ZNF423: variants seen among roughly 807,000 people sequenced by gnomAD.
The protein encoded by ZNF423 is zinc finger protein 423.
In ZNF423, 12 loss-of-function variants were observed where a neutral mutation model predicts 95.8. The observed-to-expected ratio is 0.13, with a 90% confidence interval of 0.08 to 0.20. The LOEUF is 0.20. ZNF423 is among the 10% of genes least tolerant of loss of function. The pLI is 1.00. For missense variants in ZNF423, 1,316 were observed against 1,737.1 expected, an observed-to-expected ratio of 0.76 and a Z score of 4.31; for synonymous variants, 749 against 711.9, an observed-to-expected ratio of 1.05 and a Z score of -0.83.
Position 49,555,740 on chromosome 16 carries a change from A to C in ZNF423, c.3602-30246T>G, listed in dbSNP as rs542198971. Reference sequence around the variant, plus strand: ...AATGAATGAGTGGGCGGATGGAAGGATAAGTGTATGGGTGAATAAATAAAT... The same window carrying C: ...AATGAATGAGTGGGCGGATGGAAGGCTAAGTGTATGGGTGAATAAATAAAT... On this transcript the variant is annotated intron_variant, in intron 5 of 7. Coordinates refer to ENST00000563137, the MANE Select transcript of ZNF423 (RefSeq NM_001379286.1). 9.2e-5 allele frequency among the ~76,000 whole-genome samples: 14 copies of C among 152,302 alleles called. No homozygotes were observed. The East Asian group carries it at 2.7e-3, about 29-fold the overall frequency.
intron 1 of ZNF423, among the ~76,000 whole-genome samples, chr16:49,842,110 C>A (rs866662388): frequency 6.6e-6 from 1 of 150,768 alleles, no homozygotes; most frequent in Admixed American, 6.6e-5. Context: ...GGGGGGCAGG[C>A]GCCTGTAATC....
intron 1 of ZNF423, among the ~76,000 whole-genome samples, chr16:49,823,149 G>T (rs2034965925): frequency 1.3e-5 from 2 of 152,222 alleles, no homozygotes; most frequent in Admixed American, 1.3e-4. Context: ...TAATGGGCCA[G>T]GAGTAACCTG....
chr16:49,546,698 C>A (rs1969456633), intron 5 of ZNF423, among the ~76,000 whole-genome samples: 1 of 152,172 alleles, frequency 6.6e-6, no homozygotes, highest in African/African-American at 2.4e-5. Context: ...GAATTAAACG[C>A]CAAGGCTGAA....
chr16:49,649,593 C>G (rs994277377), intron 3 of ZNF423, among the ~76,000 whole-genome samples: 5 of 151,686 alleles, frequency 3.3e-5, no homozygotes, highest in Non-Finnish European at 7.4e-5. Flanking sequence ...CAATTAATTA[C>G]TGTTTAAACA....
intron 5 of ZNF423, among the ~76,000 whole-genome samples, chr16:49,625,178 A>G (rs1421050008): frequency 2.0e-5 from 3 of 152,174 alleles, no homozygotes; most frequent in Admixed American, 6.5e-5. Flanking sequence ...GGAGTTCAAG[A>G]CCAGCCTGAC....
chr16:49,551,512 C>T (rs762749598), intron 5 of ZNF423, among the ~76,000 whole-genome samples: 1 of 152,306 alleles, frequency 6.6e-6, no homozygotes, highest in Non-Finnish European at 1.5e-5. Context: ...CAGTGAGAAC[C>T]TATTCAGTGA....
intron 2 of ZNF423, among the ~76,000 whole-genome samples, chr16:49,739,700 TTTTTTTTTTTTTTTTGGAGACAGGATC>T (rs2033373968): frequency 6.7e-6 from 1 of 148,538 alleles, no homozygotes; most frequent in Admixed American, 6.7e-5. Flanking sequence ...TGTTTGGTTT[TTTTTTTTTTTTTTTTGGAGACAGGATC>T]TTGGTCTGTC....
At chr16:49,539,005 A>G (rs1325893488) in intron 5 of ZNF423, among the ~76,000 whole-genome samples, 2 of 152,234 alleles carry the variant, frequency 1.3e-5, no homozygotes, top group Non-Finnish European at 2.9e-5. Context: ...GAGGTGCTCA[A>G]TAAATGCTAA....
chr16:49,633,964 T>C lies in ZNF423; in HGVS notation c.3516+1696A>G, dbSNP rs548153426. Among the ~76,000 whole-genome samples the C allele has an allele frequency of 1.4e-4, 22 of 152,152 alleles. No homozygotes were observed. The East Asian group carries it at 4.1e-3, about 28-fold the overall frequency. The stretch of plus-strand genomic sequence containing the variant: ...CTCTGTCACCCAGGCTAGAATGCAG[T>C]GGTGTGATCTTGGCTCACTGCAACC... On this transcript the variant is annotated intron_variant, in intron 4 of 7. Transcript: ENST00000563137.
intron 5 of ZNF423, among the ~76,000 whole-genome samples, chr16:49,583,654 A>G (rs1326558336): frequency 6.6e-6 from 1 of 152,216 alleles, no homozygotes; most frequent in Non-Finnish European, 1.5e-5. Flanking sequence ...GTCAAGCTCA[A>G]TGACCATTAC....
At chr16:49,676,975 T>G (rs2031077133) in intron 3 of ZNF423, among the ~76,000 whole-genome samples, 1 of 151,924 alleles carries the variant, frequency 6.6e-6, no homozygotes, top group Non-Finnish European at 1.5e-5. Flanking sequence ...CCTAGCACTT[T>G]GGGAGGCCGA....
intron 3 of ZNF423, among the ~76,000 whole-genome samples, chr16:49,655,805 T>A (rs1022198755): frequency 6.6e-6 from 1 of 152,156 alleles, no homozygotes; most frequent in Non-Finnish European, 1.5e-5. Context: ...CAGAACAGCA[T>A]CCATCTCACG....
rs78263351 is a variant in ZNF423 at position 49,557,795 on chromosome 16, G to A, written c.3602-32301C>T. On this transcript the variant is annotated intron_variant, in intron 5 of 7. Coordinates refer to ENST00000563137, the MANE Select transcript of ZNF423 (RefSeq NM_001379286.1). ...CAGGATGAGCACGCAGGAGGCCCAG[G>A]AAAGGCCAGGAGGAAGAGCCTCCAT... Among the ~76,000 whole-genome samples the A allele has an allele frequency of 6.8e-3, 1,041 of 152,312 alleles. 68 individuals are homozygous for A. The South Asian group carries it at 0.14, about 20-fold the overall frequency.
intron 3 of ZNF423, among the ~76,000 whole-genome samples, chr16:49,682,445 G>A (rs985431214): frequency 9.9e-5 from 15 of 152,150 alleles, no homozygotes; most frequent in African/African-American, 2.4e-4. Flanking sequence ...AGATCCTCCC[G>A]GTCCACACTT....
intron 3 of ZNF423, among the ~76,000 whole-genome samples, chr16:49,657,661 A>C (rs1414557286): frequency 6.6e-6 from 1 of 152,232 alleles, no homozygotes; most frequent in Admixed American, 6.5e-5. Flanking sequence ...TTTCAAGCCC[A>C]GTGGTCTACA....
intron 2 of ZNF423, among the ~76,000 whole-genome samples, chr16:49,757,625 C>G (rs1596974315): frequency 6.6e-6 from 1 of 152,320 alleles, no homozygotes; most frequent in East Asian, 1.9e-4. Flanking sequence ...CCAAACCAAG[C>G]CAGACACGTG....
chr16:49,571,401 AG>A (rs1345493633), intron 5 of ZNF423, among the ~76,000 whole-genome samples: 12 of 152,238 alleles, frequency 7.9e-5, no homozygotes, highest in African/African-American at 2.9e-4. Context: ...GGGTAGACAA[AG>A]GGGCAGCTGC....
chr16:49,815,881 A>AAAATATATATAT (rs1185501557), intron 1 of ZNF423, among the ~76,000 whole-genome samples: 1 of 47,590 alleles, frequency 2.1e-5, no homozygotes, highest in African/African-American at 9.9e-5. Flanking sequence ...AAAAAAAAAA[A>AAAATATATATAT]ATATATATAT....
At chr16:49,789,768 A>G (rs2034381769) in intron 1 of ZNF423, among the ~76,000 whole-genome samples, 1 of 152,350 alleles carries the variant, frequency 6.6e-6, no homozygotes, top group South Asian at 2.1e-4. Context: ...GTGCTGGATC[A>G]GTTATGGTTT....
Sources: gnomAD v4.1 joint callset for allele counts (sites outside exome capture counted in the v4.1 genomes callset) on GRCh38, gnomAD v4.1.1 for gene constraint, MANE v1.5 for transcripts, NCBI Gene and HGNC (gene_info 2026-07-23, HGNC 2026-07-21) for gene names.